Variants in AP3B1 observed in about 807,000 individuals in gnomAD.
The protein encoded by AP3B1 is adaptor related protein complex 3 subunit beta 1.
Under a neutral mutation model 132.5 loss-of-function variants are expected in AP3B1, and 61 were observed. The ratio of observed to expected loss-of-function variants is 0.46; its 90% CI spans 0.37 to 0.57. AP3B1 has a LOEUF of 0.57. Among genes scored for constraint, AP3B1 ranks in the 20% least tolerant of loss-of-function variants. The probability of loss-of-function intolerance (pLI) is 0.00; values close to 1 mark genes in which losing one functional copy is unlikely to be tolerated. For missense variants in AP3B1, 1,120 were observed against 1,289.4 expected, an observed-to-expected ratio of 0.87 and a Z score of 2.01; for synonymous variants, 388 against 438.3, an observed-to-expected ratio of 0.89 and a Z score of 1.43.
intron 1 of AP3B1, among the ~76,000 whole-genome samples, chr5:78,277,673 T>C (rs980128539): frequency 1.3e-5 from 2 of 151,994 alleles, no homozygotes; most frequent in African/African-American, 2.4e-5. Context: ...CCTCTAAAGG[T>C]AGGCTGAAGC....
At chr5:78,229,744 A>C (rs780031227) in intron 3 of AP3B1, among the ~76,000 whole-genome samples, 1 of 151,968 alleles carries the variant, frequency 6.6e-6, no homozygotes, top group African/African-American at 2.4e-5. Flanking sequence ...TGTCTCAAAA[A>C]TTTAAAAAAT....
intron 25 of AP3B1, among the ~76,000 whole-genome samples, chr5:78,016,260 ATTAAG>A (rs1360252658): frequency 3.3e-5 from 5 of 152,144 alleles, no homozygotes; most frequent in Admixed American, 6.5e-5. Context: ...TAGGAGAGAA[ATTAAG>A]TTAAGCAAAA....
chr5:78,225,447 T>C (rs1746363410), intron 6 of AP3B1, 95 bp downstream of exon 6: 6 of 675,458 alleles, frequency 8.9e-6, no homozygotes, highest in Non-Finnish European at 1.4e-5. Flanking sequence ...CATTTTGAAA[T>C]CAATAAATAC....
At chr5:78,159,247 T>A (rs1743288260) in intron 13 of AP3B1, among the ~76,000 whole-genome samples, 1 of 152,182 alleles carries the variant, frequency 6.6e-6, no homozygotes, top group African/African-American at 2.4e-5. Context: ...ATAATTTAAT[T>A]ATCTACAAGC....
chr5:78,079,913 TA>T (rs1207466584), intron 22 of AP3B1, among the ~76,000 whole-genome samples: 1 of 152,236 alleles, frequency 6.6e-6, no homozygotes, highest in Non-Finnish European at 1.5e-5. Flanking sequence ...AGTATGGTTT[TA>T]AACATTTTCC....
At chr5:78,153,259 T>A (rs1441306033) in intron 14 of AP3B1, among the ~76,000 whole-genome samples, 1 of 152,212 alleles carries the variant, frequency 6.6e-6, no homozygotes, top group Non-Finnish European at 1.5e-5. Context: ...TATATCCTCT[T>A]GCTGAATTGA....
intron 20 of AP3B1, among the ~76,000 whole-genome samples, chr5:78,103,312 T>C (rs991543891): frequency 3.3e-5 from 5 of 152,150 alleles, no homozygotes; most frequent in Non-Finnish European, 7.4e-5. Flanking sequence ...TAAATGCATA[T>C]AGGACTTGAG....
chr5:78,225,102 G>C (rs187706141), intron 6 of AP3B1, among the ~76,000 whole-genome samples: 2 of 152,116 alleles, frequency 1.3e-5, no homozygotes, highest in Admixed American at 1.3e-4. Flanking sequence ...TTAGATAGCT[G>C]CCATGCATAG....
chr5:78,226,315 G>A (rs12652641), intron 5 of AP3B1, among the ~76,000 whole-genome samples: 1 of 152,018 alleles, frequency 6.6e-6, no homozygotes, highest in Non-Finnish European at 1.5e-5. Flanking sequence ...AGGAATATGA[G>A]GTTTCACTTT....
At chr5:78,225,150 G>A (rs1746352233) in intron 6 of AP3B1, among the ~76,000 whole-genome samples, 1 of 152,078 alleles carries the variant, frequency 6.6e-6, no homozygotes, top group Non-Finnish European at 1.5e-5. Context: ...CCTAAGATGA[G>A]CTGGAATCCT....
At chr5:78,160,583 G>T (rs1325696958) in intron 13 of AP3B1, among the ~76,000 whole-genome samples, 1 of 151,838 alleles carries the variant, frequency 6.6e-6, no homozygotes, top group Non-Finnish European at 1.5e-5. Flanking sequence ...ATGTCCCTGA[G>T]GTTTAAAGAT....
chr5:78,110,184 AC>A (rs1362612720), intron 20 of AP3B1, 22 bp downstream of exon 20: 1 of 1,587,868 alleles, frequency 6.3e-7, no homozygotes. Flanking sequence ...ACCTTCAATT[AC>A]AACAAATGTA....
Position 78,181,675 on chromosome 5 carries a change from A to C in AP3B1, c.787-13T>G. 6.2e-7 allele frequency: 1 copy of C among 1,609,900 alleles called. No individual in the cohort carries two copies. The highest frequency in any genetic ancestry group is 8.5e-7 in the Non-Finnish European group (1 of 1,178,786). On this transcript the variant is annotated splice_polypyrimidine_tract_variant and intron_variant, in intron 7 of 26. Coordinates refer to ENST00000255194, the MANE Select transcript of AP3B1 (RefSeq NM_003664.5). ...CTAATTCATCACCCTACAATGAAAG[A>C]AATCCAACCCAAGATTACTTTAGAC...
At chr5:78,155,008 C>G (rs1340102487) in intron 14 of AP3B1, among the ~76,000 whole-genome samples, 1 of 152,110 alleles carries the variant, frequency 6.6e-6, no homozygotes, top group Non-Finnish European at 1.5e-5. Flanking sequence ...GGTCTTGATG[C>G]TTACAGATGT....
chr5:78,100,294 GA>G (rs1391275754), intron 21 of AP3B1, among the ~76,000 whole-genome samples: 3 of 152,138 alleles, frequency 2.0e-5, no homozygotes, highest in Non-Finnish European at 4.4e-5. Context: ...TAATATTCAT[GA>G]AATCTCACTT....
chr5:78,189,183 T>C (rs1446636975), intron 7 of AP3B1, among the ~76,000 whole-genome samples: 1 of 152,172 alleles, frequency 6.6e-6, no homozygotes, highest in Non-Finnish European at 1.5e-5. Flanking sequence ...CACGTTTACC[T>C]ATGTAACAAA....
At chr5:78,292,941 C>T (rs1749595289) in intron 1 of AP3B1, among the ~76,000 whole-genome samples, 1 of 151,928 alleles carries the variant, frequency 6.6e-6, no homozygotes, top group South Asian at 2.1e-4. Flanking sequence ...TGCTGTGGCG[C>T]GATCTCGGCT....
chr5:78,236,971 AAATT>A lies in AP3B1; in HGVS notation c.279+3887_279+3890del, dbSNP rs1746904493. Among the ~76,000 whole-genome samples, 4 of 152,180 alleles carry A rather than the reference AAATT, an allele frequency of 2.6e-5. No homozygotes were observed. In the South Asian group the frequency reaches 8.3e-4, roughly 32 times the overall value. On this transcript the variant is annotated intron_variant, in intron 3 of 26. Transcript: ENST00000255194. ...ACATAGTGTTTAATAAATATCTACT[AAATT>A]AATCATAAGTAAAATTGATTTTACT...
Position 78,100,950 on chromosome 5 carries a change from T to TA in AP3B1, c.2470+2dup. ...AAGAAATATTTTAAATTACAATACT[T>TA]ACAATCATCCAGATCTAGAAGTGAA... On this transcript the variant is annotated splice_region_variant and intron_variant, in intron 21 of 26. Coordinates refer to ENST00000255194, the MANE Select transcript of AP3B1 (RefSeq NM_003664.5). 6.6e-7 allele frequency: 1 copy of TA among 1,523,414 alleles called. No homozygotes were observed. Among genetic ancestry groups the TA allele is most frequent in the Non-Finnish European group, 9.1e-7 (1 of 1,103,656 alleles). 94.4% of individuals were successfully genotyped at this position (1,523,414 alleles called of 1,614,324 possible). A position where few individuals can be genotyped will look rare whatever the true frequency, so the allele number is the denominator to read the frequency against.
Sources: gnomAD v4.1 joint callset for allele counts (sites outside exome capture counted in the v4.1 genomes callset) on GRCh38, gnomAD v4.1.1 for gene constraint, MANE v1.5 for transcripts, NCBI Gene and HGNC (gene_info 2026-07-23, HGNC 2026-07-21) for gene names.